SGPP2: variants seen among roughly 807,000 people sequenced by gnomAD.
SGPP2 encodes sphingosine 1-phosphate phosphohydrolase 2.
SGPP2 carries 30 observed loss-of-function variants against 33.9 expected under a neutral mutation model. That is an observed-to-expected ratio of 0.89 (90% CI 0.66 to 1.20). The LOEUF (loss-of-function observed/expected upper bound fraction) is 1.20, where lower values mean the gene tolerates loss of function less well. Ranked by LOEUF, SGPP2 falls within the 50% of genes most tolerant of loss-of-function variation. The probability of loss-of-function intolerance (pLI) is 0.00; values close to 1 mark genes in which losing one functional copy is unlikely to be tolerated. For synonymous variants in SGPP2, 233 were observed against 225.0 expected, an observed-to-expected ratio of 1.04 and a Z score of -0.32; for missense variants, 458 against 532.1, an observed-to-expected ratio of 0.86 and a Z score of 1.37.
rs1553543460 is a variant in SGPP2, at chr2:222,559,169, C to CT, written c.*271_*272insT. On this transcript the variant is annotated 3_prime_UTR_variant, in exon 5 of 5. Coordinates refer to ENST00000321276, the MANE Select transcript of SGPP2 (RefSeq NM_152386.4). ...TTAAAGGCACACACCGCGCCCCCCC[C>CT]CCCCCCGCCCGGCCCCTGCTCCTCT... 1 of 112,578 alleles carries CT rather than the reference C, an allele frequency of 8.9e-6. No individual in the cohort carries two copies. The highest frequency in any genetic ancestry group is 4.6e-5 in the African/African-American group (1 of 21,848). The allele number at this position is 112,578 out of a possible 1,614,324, so 7.0% of individuals were successfully genotyped here. A position where few individuals can be genotyped will look rare whatever the true frequency, so the allele number is the denominator to read the frequency against.
chr2:222,486,658 A>G (rs1698114294), intron 2 of SGPP2, among the ~76,000 whole-genome samples: 1 of 152,164 alleles, frequency 6.6e-6, no homozygotes, highest in African/African-American at 2.4e-5. Context: ...AGCGAAGTGT[A>G]GGCACTACTA....
At chr2:222,487,682 G>A (rs1698132643) in intron 2 of SGPP2, among the ~76,000 whole-genome samples, 1 of 152,178 alleles carries the variant, frequency 6.6e-6, no homozygotes, top group Admixed American at 6.5e-5. Context: ...GGCTTTCACA[G>A]GAGAGACAGT....
chr2:222,503,583 A>G (rs1698399165), intron 2 of SGPP2, among the ~76,000 whole-genome samples: 1 of 152,158 alleles, frequency 6.6e-6, no homozygotes, highest in Admixed American at 6.5e-5. Context: ...TATAGTGTGT[A>G]GGATTATAAT....
chr2:222,497,250 CTTTTT>C (rs57363978), intron 2 of SGPP2, among the ~76,000 whole-genome samples: 2 of 118,570 alleles, frequency 1.7e-5, no homozygotes, highest in African/African-American at 6.3e-5. Flanking sequence ...TCTCTTTCTT[CTTTTT>C]TTTTTTTTTT....
chr2:222,449,225 G>A (rs1463383345), intron 1 of SGPP2, among the ~76,000 whole-genome samples: 1 of 152,194 alleles, frequency 6.6e-6, no homozygotes, highest in Non-Finnish European at 1.5e-5. Context: ...GGGTGGGGCT[G>A]CTATTTGGAG....
intron 1 of SGPP2, among the ~76,000 whole-genome samples, chr2:222,434,214 C>A (rs1360894208): frequency 2.0e-5 from 3 of 152,124 alleles, no homozygotes; most frequent in East Asian, 1.9e-4. Context: ...GAGATACATT[C>A]CATATACTGA....
At chr2:222,472,836 G>A (rs114781194) in intron 1 of SGPP2, among the ~76,000 whole-genome samples, 3,574 of 152,176 alleles carry the variant, frequency 0.023, 134 homozygotes, top group African/African-American at 0.081. Context: ...CCAACTTGGC[G>A]AAACCCCGTC....
chr2:222,479,569 AT>A (rs1245180062), intron 2 of SGPP2, among the ~76,000 whole-genome samples: 3 of 151,236 alleles, frequency 2.0e-5, no homozygotes, highest in Non-Finnish European at 4.4e-5. Context: ...CGCCCGGCTA[AT>A]TTTTTGTATT....
intron 1 of SGPP2, among the ~76,000 whole-genome samples, chr2:222,471,888 T>C (rs1287535288): frequency 1.3e-5 from 2 of 152,214 alleles, no homozygotes; most frequent in African/African-American, 4.8e-5. Flanking sequence ...AGGGTGACCA[T>C]GTTATTGTTT....
chr2:222,530,027 G>C (rs903915898), intron 4 of SGPP2, among the ~76,000 whole-genome samples: 1 of 152,208 alleles, frequency 6.6e-6, no homozygotes, highest in Non-Finnish European at 1.5e-5. Flanking sequence ...AGGTGACCAG[G>C]TGTATTGTCC....
chr2:222,541,108 C>G (rs1012532637), intron 4 of SGPP2, among the ~76,000 whole-genome samples: 1 of 152,128 alleles, frequency 6.6e-6, no homozygotes, highest in Non-Finnish European at 1.5e-5. Flanking sequence ...TGAGCCACCA[C>G]GTCCGGCCAG....
Position 222,558,391 on chromosome 2 carries a change from C to T in SGPP2, c.693C>T (p.Leu231=). 6.2e-7 allele frequency: 1 copy of T among 1,614,218 alleles called. No individual in the cohort carries two copies. The highest frequency in any genetic ancestry group is 8.5e-7 in the Non-Finnish European group (1 of 1,180,036). ...GVLITALLIV[L]TYPAWTFIDC... is the part of the protein sequence containing the mutation. ...TGATCACCGCACTCCTCATCGTCCT[C>T]ACCTACCCTGCCTGGACCTTCATCG... The change falls in exon 5 of 5, where the codon CTC becomes CTT. Residue 231 remains leucine (L), a synonymous_variant. Transcript: ENST00000321276.
intron 4 of SGPP2, among the ~76,000 whole-genome samples, chr2:222,532,038 C>T (rs1196387074): frequency 1.3e-5 from 2 of 152,006 alleles, no homozygotes; most frequent in Admixed American, 6.6e-5. Flanking sequence ...TTTGGGAGGC[C>T]GAGGCAGGTG....
chr2:222,452,417 G>T (rs1290904832), intron 1 of SGPP2: 7 of 767,162 alleles, frequency 9.1e-6, no homozygotes, highest in African/African-American at 3.4e-5. Flanking sequence ...TCTTCAAGTT[G>T]TATGTTCATG....
At chr2:222,513,380 C>T (rs141448063) in intron 2 of SGPP2, among the ~76,000 whole-genome samples, 1 of 152,210 alleles carries the variant, frequency 6.6e-6, no homozygotes, top group African/African-American at 2.4e-5. Context: ...GCTAATGTTT[C>T]ATTTTTTATG....
At chr2:222,484,981 GT>G (rs1698083038) in intron 2 of SGPP2, among the ~76,000 whole-genome samples, 1 of 152,198 alleles carries the variant, frequency 6.6e-6, no homozygotes, top group South Asian at 2.1e-4. Context: ...CATGGAAGCT[GT>G]TCACTGCCCC....
chr2:222,489,059 T>C (rs1436786), intron 2 of SGPP2, among the ~76,000 whole-genome samples: 104,408 of 151,960 alleles, frequency 0.69, 36,509 homozygotes, highest in East Asian at 0.99. Flanking sequence ...TAAATTAATA[T>C]TGGTGAAACA....
At chr2:222,549,795 A>C (rs1396866941) in intron 4 of SGPP2, among the ~76,000 whole-genome samples, 2 of 152,126 alleles carry the variant, frequency 1.3e-5, no homozygotes, top group Non-Finnish European at 2.9e-5. Flanking sequence ...TGGCAAACTG[A>C]ATTAAAGGTT....
At chr2:222,456,197 G>A (rs1697571252) in intron 1 of SGPP2, among the ~76,000 whole-genome samples, 1 of 152,212 alleles carries the variant, frequency 6.6e-6, no homozygotes, top group East Asian at 1.9e-4. Context: ...TGCAAAAAAT[G>A]TGATGGTATA....
Sources: allele counts gnomAD v4.1 joint callset (sites outside exome capture counted in the v4.1 genomes callset), GRCh38; gene constraint gnomAD v4.1.1; transcripts MANE v1.5; gene names NCBI Gene and HGNC (gene_info 2026-07-23, HGNC 2026-07-21).